ZNF341: variants seen among roughly 807,000 people sequenced by gnomAD.
ZNF341 encodes zinc finger protein 341.
ZNF341 carries 52 observed loss-of-function variants against 87.7 expected under a neutral mutation model. That is an observed-to-expected ratio of 0.59 (90% confidence interval 0.47 to 0.75). The LOEUF is 0.75. Among genes scored for constraint, ZNF341 ranks in the 30% least tolerant of loss-of-function variants. The pLI is 0.00. For missense variants in ZNF341, 977 were observed against 1,145.9 expected (o/e 0.85, Z 2.13); for synonymous variants, 459 against 472.7 (o/e 0.97, Z 0.38).
rs2020019981 is a variant in ZNF341 at position 33,791,249 on chromosome 20, C to T, written c.2297C>T (p.Pro766Leu). 1.2e-6 allele frequency: 2 copies of T among 1,611,994 alleles called. No homozygotes were observed. The highest frequency in any genetic ancestry group is 1.1e-5 in the South Asian group (1 of 91,004). The change falls in exon 15 of 15, where the codon CCC becomes CTC. Residue 766 changes from proline to leucine, a missense_variant. This residue lies in a region of ZNF341 where 221 missense variants were observed against 212.7 expected (regional missense o/e 1.04). Transcript: ENST00000375200. ...CGSGGRKVLTPLPDPLGLEEL... is the reference protein window; with the variant it reads ...CGSGGRKVLTLLPDPLGLEEL... Reference sequence around the variant, plus strand: ...AGTGGTGGGCGCAAGGTGCTGACCCCCTTGCCTGACCCGCTGGGGCTGGAG... The same window carrying T: ...AGTGGTGGGCGCAAGGTGCTGACCCTCTTGCCTGACCCGCTGGGGCTGGAG...
At chr20:33,779,898 C>T (rs1473671567) in intron 10 of ZNF341, among the ~76,000 whole-genome samples, 2 of 152,196 alleles carry the variant, frequency 1.3e-5, no homozygotes, top group Non-Finnish European at 2.9e-5. Context: ...CAAGTTCTCA[C>T]TGGTGCTGGG....
rs1171402724 is a variant in ZNF341 at position 33,764,543 on chromosome 20, G to GTATATATATATATATATA, written c.1223-2306_1223-2289dup. The stretch of plus-strand genomic sequence containing the variant: ...TATATATATGTGTGTGTGTGTATGT[G>GTATATATATATATATATA]TATATATATATATATATATTTTTTT... On this transcript the variant is annotated intron_variant, in intron 8 of 14. Coordinates refer to ENST00000375200, the MANE Select transcript of ZNF341 (RefSeq NM_001282933.2). Among the ~76,000 whole-genome samples the GTATATATATATATATATA allele has an allele frequency of 2.8e-3, 197 of 69,278 alleles. 3 individuals carry two copies. The highest frequency in any genetic ancestry group is 0.011 in the East Asian group (9 of 788). 45.4% of individuals were successfully genotyped at this position (69,278 alleles called of 152,430 possible).
chr20:33,790,319 C>T (rs1250640723), intron 14 of ZNF341, among the ~76,000 whole-genome samples: 3 of 152,052 alleles, frequency 2.0e-5, no homozygotes, highest in Admixed American at 6.6e-5. Flanking sequence ...GTGATCTGCC[C>T]GCCTTGGCCT....
chr20:33,784,909 C>T (rs533530339), intron 12 of ZNF341, among the ~76,000 whole-genome samples: 31 of 152,324 alleles, frequency 2.0e-4, no homozygotes, highest in South Asian at 1.7e-3. Flanking sequence ...AGGCACTGCA[C>T]CCAGCCTGTG....
rs1179119565 is a variant in ZNF341, at chr20:33,732,039, T to C, written c.18T>C (p.Phe6=). 1 of 1,402,828 alleles carries C rather than the reference T, an allele frequency of 7.1e-7. No homozygotes were observed. Among genetic ancestry groups the C allele is most frequent in the Non-Finnish European group, 9.3e-7 (1 of 1,073,218 alleles). The allele number at this position is 1,402,828 out of a possible 1,614,324, so 86.9% of individuals were successfully genotyped here. ...GCTCCAAGATGGCGCAGGCGATCTT[T>C]GAGGCCCTGGAGGGTGAGCGGCGGC... MAQAI[F]EALEGMDNQT... Residue 6 remains phenylalanine (F), a synonymous_variant, in exon 1 of 15, where the codon TTT becomes TTC. Transcript: ENST00000375200. This position sits in a 1 kb window ranked among gnomAD's most constrained non-coding sequence, Gnocchi z 4.5.
intron 4 of ZNF341, among the ~76,000 whole-genome samples, chr20:33,749,872 C>G (rs967317728): frequency 6.6e-6 from 1 of 151,972 alleles, no homozygotes; most frequent in African/African-American, 2.4e-5. Flanking sequence ...CCTGCCTCAA[C>G]CTCCTGAGTA....
In ZNF341 at chr20:33,757,253, A is replaced by T. The variant is rs1368198980; in HGVS notation, c.847A>T (p.Thr283Ser). The change falls in exon 6 of 15, where the codon ACC (threonine) becomes TCC (serine). Residue 283 changes from threonine (T) to serine (S), a missense_variant. By Grantham distance (58) the Thr-to-Ser change is moderately conservative. Around this residue, in one of 3 missense-constraint regions of ZNF341, gnomAD observed 515 missense variants for 598.2 expected, o/e 0.86. Coordinates refer to ENST00000375200, the MANE Select transcript of ZNF341 (RefSeq NM_001282933.2). ...AGGACCAAACCCCGCCGCCCCCATGACCAGCGCCACCGGGGGCACGGTGGC... is the reference window on the plus strand; with the variant it reads ...AGGACCAAACCCCGCCGCCCCCATGTCCAGCGCCACCGGGGGCACGGTGGC... Reference protein sequence around the residue: ...PKGPNPAAPMTSATGGTVATF... With the variant: ...PKGPNPAAPMSSATGGTVATF... 6.2e-7 allele frequency: 1 copy of T among 1,606,312 alleles called. No homozygotes were observed. The highest frequency in any genetic ancestry group is 8.5e-7 in the Non-Finnish European group (1 of 1,176,956).
At chr20:33,771,569 C>T (rs1161674615) in intron 10 of ZNF341, among the ~76,000 whole-genome samples, 1 of 151,664 alleles carries the variant, frequency 6.6e-6, no homozygotes, top group Admixed American at 6.6e-5. Flanking sequence ...TTAGAATGAA[C>T]AAGGGATGGA....
intron 8 of ZNF341, among the ~76,000 whole-genome samples, chr20:33,764,543 G>GTGTGTGTATATATATATATA (rs1332743148): frequency 1.4e-5 from 1 of 69,336 alleles, no homozygotes; most frequent in African/African-American, 6.8e-5. Flanking sequence ...GTGTGTATGT[G>GTGTGTGTATATATATATATA]TATATATATA....
chr20:33,750,411 A>G (rs2019030184), intron 4 of ZNF341, among the ~76,000 whole-genome samples: 1 of 152,058 alleles, frequency 6.6e-6, no homozygotes, highest in Non-Finnish European at 1.5e-5. Context: ...TTGGGAACCC[A>G]ACGAACACAG....
chr20:33,734,057 G>C (rs537183322), intron 1 of ZNF341, among the ~76,000 whole-genome samples: 3 of 152,232 alleles, frequency 2.0e-5, no homozygotes, highest in Non-Finnish European at 4.4e-5. Flanking sequence ...ATGTGTTTGT[G>C]TATTGAGTAA....
intron 4 of ZNF341, among the ~76,000 whole-genome samples, chr20:33,749,814 G>A (rs1429722461): frequency 6.6e-6 from 1 of 150,552 alleles, no homozygotes; most frequent in Non-Finnish European, 1.5e-5. Context: ...GTGCAGTGGT[G>A]CGATCTTGGC....
At chr20:33,770,423 C>G (rs1422312170) in intron 10 of ZNF341, 131 bp downstream of exon 10, 1 of 919,780 alleles carries the variant, frequency 1.1e-6, no homozygotes, top group Admixed American at 2.7e-5. Context: ...AGGCTCCTGG[C>G]TGGGGTCCAG....
intron 12 of ZNF341, chr20:33,788,560 C>T: frequency 2.4e-6 from 1 of 423,458 alleles, no homozygotes. Context: ...ATCAGCACCG[C>T]CAAACGCACT....
At position 33,770,227 on chromosome 20, in the gene ZNF341, C is replaced by T. The variant is rs778137126; in HGVS notation, c.1557C>T (p.Gly519=). The change falls in exon 10 of 15, where the codon GGC becomes GGT. Residue 519 remains glycine, a synonymous_variant. Transcript: ENST00000375200. ...GKDFPSLYDL[G]VHQYSHSLLP... ...ACTTCCCCTCGCTGTACGACCTGGG[C>T]GTGCACCAGTACTCCCACAGCCTCC... 6.2e-6 allele frequency: 10 copies of T among 1,613,326 alleles called. No homozygotes were observed. Among genetic ancestry groups the T allele is most frequent in the Middle Eastern group, 1.6e-4 (1 of 6,062 alleles).
At chr20:33,785,525 C>T (rs573428984) in intron 12 of ZNF341, among the ~76,000 whole-genome samples, 23 of 152,050 alleles carry the variant, frequency 1.5e-4, no homozygotes, top group African/African-American at 4.3e-4. Context: ...TCAGTAGAGA[C>T]GGGGTTTCAC....
chr20:33,740,235 C>T (rs2018771391), intron 1 of ZNF341, among the ~76,000 whole-genome samples: 1 of 152,134 alleles, frequency 6.6e-6, no homozygotes, highest in South Asian at 2.1e-4. Flanking sequence ...GTTGCTACCA[C>T]CATATTCTTA....
At chr20:33,754,153 C>T (rs949647898) in intron 5 of ZNF341, among the ~76,000 whole-genome samples, 1 of 152,116 alleles carries the variant, frequency 6.6e-6, no homozygotes, top group Non-Finnish European at 1.5e-5. Flanking sequence ...GCTTAGATAG[C>T]GCAGGTAGGG....
At chr20:33,739,818 A>T (rs1319631481) in intron 1 of ZNF341, among the ~76,000 whole-genome samples, 1 of 152,144 alleles carries the variant, frequency 6.6e-6, no homozygotes, top group African/African-American at 2.4e-5. Flanking sequence ...GCAGTCTAAG[A>T]TAGGAAGATG....
Sources: allele counts gnomAD v4.1 joint callset (sites outside exome capture counted in the v4.1 genomes callset), GRCh38; gene constraint gnomAD v4.1.1; regional missense constraint gnomAD v4.1.1; non-coding constraint Gnocchi (gnomAD v3.1); transcripts MANE v1.5; gene names NCBI Gene and HGNC (gene_info 2026-07-23, HGNC 2026-07-21).